Variants in ADGRB3 observed in about 807,000 individuals in gnomAD.
ADGRB3 encodes the protein brain-specific angiogenesis inhibitor 3.
In ADGRB3, 37 loss-of-function variants were observed where a neutral mutation model predicts 193.4. The observed-to-expected ratio is 0.19, with a 90% CI of 0.15 to 0.25. The LOEUF (loss-of-function observed/expected upper bound fraction) is 0.25, where lower values mean the gene tolerates loss of function less well. Among genes scored for constraint, ADGRB3 ranks in the 10% least tolerant of loss-of-function variants. The pLI is 1.00. For synonymous variants in ADGRB3, 690 were observed against 644.2 expected (o/e 1.07, Z -1.08); for missense variants, 1,637 against 1,852.9 (o/e 0.88, Z 2.14).
chr6:68,911,646 C>CG (rs1554219048), intron 3 of ADGRB3, among the ~76,000 whole-genome samples: 1 of 152,010 alleles, frequency 6.6e-6, no homozygotes, highest in Non-Finnish European at 1.5e-5. Flanking sequence ...ACAAAAGGGA[C>CG]GTGAAACTTA....
intron 17 of ADGRB3, among the ~76,000 whole-genome samples, chr6:69,101,293 G>T (rs1379422158): frequency 1.3e-5 from 2 of 152,066 alleles, no homozygotes. Flanking sequence ...GGTCTTCCGA[G>T]CTCTATAATG....
chr6:69,182,682 C>T (rs1026951276), intron 17 of ADGRB3, among the ~76,000 whole-genome samples: 34 of 152,088 alleles, frequency 2.2e-4, no homozygotes, highest in African/African-American at 8.2e-4. Context: ...AAATTGAAAA[C>T]ACCTATCATA....
chr6:69,202,435 C>G (rs1765444926), intron 17 of ADGRB3, among the ~76,000 whole-genome samples: 1 of 152,038 alleles, frequency 6.6e-6, no homozygotes. Context: ...ACATTCCAAT[C>G]TGTACTACCC....
At chr6:68,995,262 T>G (rs956322778) in intron 11 of ADGRB3, among the ~76,000 whole-genome samples, 7 of 152,190 alleles carry the variant, frequency 4.6e-5, no homozygotes, top group Admixed American at 4.6e-4. Context: ...CTTCTATTAA[T>G]ATTTACATTA....
At chr6:68,862,742 T>C (rs1012140886) in intron 3 of ADGRB3, among the ~76,000 whole-genome samples, 1 of 152,234 alleles carries the variant, frequency 6.6e-6, no homozygotes, top group African/African-American at 2.4e-5. Flanking sequence ...CTTCCCTTTC[T>C]TTTCCACTAA....
intron 3 of ADGRB3, among the ~76,000 whole-genome samples, chr6:68,772,886 A>ACAAAAC (rs1162322667): frequency 1.4e-4 from 6 of 41,528 alleles, no homozygotes; most frequent in African/African-American, 4.2e-4. Flanking sequence ...AACAAACAAA[A>ACAAAAC]AAAAAAAAAT....
chr6:68,982,377 G>A (rs904175408), intron 10 of ADGRB3, among the ~76,000 whole-genome samples: 4 of 152,022 alleles, frequency 2.6e-5, no homozygotes, highest in Non-Finnish European at 4.4e-5. Context: ...TAATTCATTC[G>A]GAAATTGATC....
chr6:68,716,679 T>C (rs1765495021), intron 3 of ADGRB3, among the ~76,000 whole-genome samples: 1 of 151,570 alleles, frequency 6.6e-6, no homozygotes, highest in African/African-American at 2.4e-5. Context: ...AAATAAGAGC[T>C]CTCTCCTTCT....
chr6:69,220,429 A>T (rs534452443), intron 17 of ADGRB3, among the ~76,000 whole-genome samples: 1 of 152,278 alleles, frequency 6.6e-6, no homozygotes, highest in African/African-American at 2.4e-5. Context: ...TGTTATGCGT[A>T]CAGTTTCTGT....
At chr6:69,302,375 G>A (rs545035695) in intron 20 of ADGRB3, among the ~76,000 whole-genome samples, 6 of 152,002 alleles carry the variant, frequency 3.9e-5, no homozygotes, top group African/African-American at 1.2e-4. Context: ...CCTAGAGAAT[G>A]AGAACATTTT....
At chr6:69,325,636 C>T (rs575129248) in intron 21 of ADGRB3, among the ~76,000 whole-genome samples, 1 of 152,276 alleles carries the variant, frequency 6.6e-6, no homozygotes, top group African/African-American at 2.4e-5. Context: ...AGGGCCAATT[C>T]TAATGATAGC....
chr6:68,826,217 T>C (rs756055673), intron 3 of ADGRB3, among the ~76,000 whole-genome samples: 17 of 151,974 alleles, frequency 1.1e-4, no homozygotes, highest in African/African-American at 4.1e-4. Flanking sequence ...GTATACCAAA[T>C]GGGAATCAAT....
chr6:68,953,122 TTCTC>T (rs934273903), intron 6 of ADGRB3, among the ~76,000 whole-genome samples: 4 of 152,140 alleles, frequency 2.6e-5, no homozygotes, highest in African/African-American at 9.7e-5. Flanking sequence ...CCAAATTATC[TTCTC>T]TCTGATTTCG....
intron 29 of ADGRB3, among the ~76,000 whole-genome samples, chr6:69,361,834 A>G (rs1769461671): frequency 2.6e-5 from 4 of 151,820 alleles, no homozygotes; most frequent in Non-Finnish European, 5.9e-5. Flanking sequence ...AATAAAATAA[A>G]TAAATAAATA....
intron 20 of ADGRB3, among the ~76,000 whole-genome samples, chr6:69,266,780 G>A (rs1767051068): frequency 6.6e-6 from 1 of 151,992 alleles, no homozygotes; most frequent in Non-Finnish European, 1.5e-5. Context: ...GCATTGCAAT[G>A]GGAATCTGCA....
Position 68,817,307 on chromosome 6 carries a change from GTATATATATATATATA to G in ADGRB3, c.758-113213_758-113198del, listed in dbSNP as rs60723627. The stretch of plus-strand genomic sequence containing the variant: ...GTATTTATTATTCCCTTTTGTCCAT[GTATATATATATATATA>G]TATATATATATATATATATATATAT... On this transcript the variant is annotated intron_variant, in intron 3 of 31. Coordinates refer to ENST00000370598, the MANE Select transcript of ADGRB3 (RefSeq NM_001704.3). 4.6e-3 allele frequency among the ~76,000 whole-genome samples: 202 copies of G among 44,144 alleles called. 2 individuals carry two copies. Among genetic ancestry groups the G allele is most frequent in the East Asian group, 0.014 (10 of 740 alleles). The allele number at this position is 44,144 out of a possible 152,430, so 29.0% of individuals were successfully genotyped here. A position where few individuals can be genotyped will look rare whatever the true frequency, so the allele number is the denominator to read the frequency against.
chr6:69,206,571 C>A (rs1204092503), intron 17 of ADGRB3, among the ~76,000 whole-genome samples: 1 of 152,078 alleles, frequency 6.6e-6, no homozygotes, highest in Non-Finnish European at 1.5e-5. Context: ...ATACAACTAT[C>A]CTTCGTACAA....
chr6:69,353,439 A>G (rs1323319704), intron 26 of ADGRB3, among the ~76,000 whole-genome samples: 2 of 152,354 alleles, frequency 1.3e-5, no homozygotes, highest in Admixed American at 1.3e-4. Context: ...GAGACAAGAG[A>G]TAGTCTACTC....
In ADGRB3 at chr6:68,877,421, C is replaced by T. The variant is rs138210520; in HGVS notation, c.758-53138C>T. On this transcript the variant is annotated intron_variant, in intron 3 of 31. Coordinates refer to ENST00000370598, the MANE Select transcript of ADGRB3 (RefSeq NM_001704.3). Reference sequence around the variant, plus strand: ...AGACTCAGAACAATCGCTTATCAAGCACTGCACTATCTCATAATTTGTAAC... The same window carrying T: ...AGACTCAGAACAATCGCTTATCAAGTACTGCACTATCTCATAATTTGTAAC... 3.6e-3 allele frequency among the ~76,000 whole-genome samples: 551 copies of T among 152,068 alleles called. 4 individuals carry two copies. The highest frequency in any genetic ancestry group is 0.024 in the Middle Eastern group (7 of 294).
Sources: gnomAD v4.1 joint callset for allele counts (sites outside exome capture counted in the v4.1 genomes callset) on GRCh38, gnomAD v4.1.1 for gene constraint, MANE v1.5 for transcripts, NCBI Gene and HGNC (gene_info 2026-07-23, HGNC 2026-07-21) for gene names.